The following ALPI variants were observed in gnomAD, a reference collection of about 807,000 sequenced individuals.
ALPI encodes intestinal-type alkaline phosphatase.
ALPI carries 50 observed loss-of-function variants against 51.5 expected under a neutral mutation model. That is an observed-to-expected ratio of 0.97 (90% CI 0.77 to 1.23). The LOEUF (loss-of-function observed/expected upper bound fraction) is 1.23, where lower values mean the gene tolerates loss of function less well. Among genes scored for constraint, ALPI ranks in the 50% most tolerant of loss-of-function variants. The probability of loss-of-function intolerance (pLI) is 0.00; values close to 1 mark genes in which losing one functional copy is unlikely to be tolerated. For missense variants in ALPI, 692 were observed against 722.4 expected, an observed-to-expected ratio of 0.96 and a Z score of 0.48; for synonymous variants, 322 against 308.2, an observed-to-expected ratio of 1.04 and a Z score of -0.47.
chr2:232,460,062 A>T lies in ALPI; in HGVS notation c.*916A>T, dbSNP rs1232717070. 1.3e-5 allele frequency: 2 copies of T among 152,320 alleles called. No homozygotes were observed. Among genetic ancestry groups the T allele is most frequent in the Middle Eastern group, 3.2e-3 (1 of 316 alleles). The allele number at this position is 152,320 out of a possible 1,614,324, so 9.4% of individuals were successfully genotyped here. On this transcript the variant is annotated 3_prime_UTR_variant, in exon 11 of 11. Coordinates refer to ENST00000295463, the MANE Select transcript of ALPI (RefSeq NM_001631.5). ...AGTACTACTTCCTAGGAGAAAAATCATGAGTGAGTGTGGGCACAGTATCTG... is the reference window on the plus strand; with the variant it reads ...AGTACTACTTCCTAGGAGAAAAATCTTGAGTGAGTGTGGGCACAGTATCTG...
rs368815505 is a variant in ALPI at position 232,456,611 on chromosome 2, G to A, written c.216G>A (p.Arg72=). The A allele has an allele frequency of 3.1e-6, 5 of 1,613,324 alleles. No homozygotes were observed. The African/African-American group carries it at 5.3e-5, about 17-fold the overall frequency. ...GGGTGCCCACGGTGACAGCCACCAG[G>A]ATCCTAAAGGGGCAGAAGAATGGCA... is the stretch of plus-strand genomic sequence containing the variant. The part of the protein sequence containing the change: ...GLGVPTVTAT[R]ILKGQKNGKL... The change falls in exon 3 of 11, where the codon AGG becomes AGA. Residue 72 remains arginine, a synonymous_variant. Transcript: ENST00000295463. This position sits in a 1 kb window ranked among gnomAD's most constrained non-coding sequence, Gnocchi z 4.2.
chr2:232,459,042 C>T lies in ALPI; in HGVS notation c.1483C>T (p.Leu495=), dbSNP rs1450852679. 9.7e-6 allele frequency: 15 copies of T among 1,551,412 alleles called. No homozygotes were observed. Among genetic ancestry groups the T allele is most frequent in the Non-Finnish European group, 1.2e-5 (14 of 1,148,548 alleles). Reference sequence around the variant, plus strand: ...TCTGGAGCCCTACACGGCCTGCGACCTGGCGCCTCCCGCCTGCACCACCGA... The same window carrying T: ...TCTGGAGCCCTACACGGCCTGCGACTTGGCGCCTCCCGCCTGCACCACCGA... ...ACLEPYTACD[L]APPACTTDAA... The change falls in exon 11 of 11, where the codon CTG becomes TTG. Residue 495 remains leucine (L), a synonymous_variant. Transcript: ENST00000295463.
At position 232,456,591 on chromosome 2, in the gene ALPI, C is replaced by T. The variant is rs766754479; in HGVS notation, c.196C>T (p.Pro66Ser). 3.1e-6 allele frequency: 5 copies of T among 1,612,426 alleles called. No individual in the cohort carries two copies. The highest frequency in any genetic ancestry group is 2.5e-6 in the Non-Finnish European group (3 of 1,179,192). ...ILFLGDGLGV[P>S]TVTATRILKG... ...TTCTGCTCCTTCAGGGTTGGGGGTGCCCACGGTGACAGCCACCAGGATCCT... is the reference window on the plus strand; with the variant it reads ...TTCTGCTCCTTCAGGGTTGGGGGTGTCCACGGTGACAGCCACCAGGATCCT... The change falls in exon 3 of 11, where the codon CCC (proline) becomes TCC (serine). Residue 66 changes from proline to serine, a missense_variant. Coordinates refer to ENST00000295463, the MANE Select transcript of ALPI (RefSeq NM_001631.5). This position sits in a 1 kb window ranked among gnomAD's most constrained non-coding sequence, Gnocchi z 4.2.
In ALPI at chr2:232,458,924, C is replaced by G. The variant is rs760826298; in HGVS notation, c.1365C>G (p.Asp455Glu). 6.2e-7 allele frequency: 1 copy of G among 1,609,668 alleles called. No individual in the cohort carries two copies. The highest frequency in any genetic ancestry group is 8.5e-7 in the Non-Finnish European group (1 of 1,178,730). Residue 455 changes from aspartate (D) to glutamate (E), a missense_variant, in exon 11 of 11, where the codon GAC becomes GAG. Physicochemically the swap from Asp to Glu is conservative, Grantham distance 45. Transcript: ENST00000295463. ...PLSSETHGGEDVAVFARGPQA... is the reference protein window; with the variant it reads ...PLSSETHGGEEVAVFARGPQA... ...CGTCCGAGACCCACGGAGGCGAAGA[C>G]GTGGCGGTGTTTGCGCGCGGCCCGC...
At position 232,457,998 on chromosome 2, in the gene ALPI, G is replaced by C; in HGVS notation, c.857G>C (p.Gly286Ala). 1 of 1,613,496 alleles carries C rather than the reference G, an allele frequency of 6.2e-7. No individual in the cohort carries two copies. The highest frequency in any genetic ancestry group is 8.5e-7 in the Non-Finnish European group (1 of 1,179,704). The change falls in exon 8 of 11, where the codon GGC (glycine) becomes GCC (alanine). Residue 286 changes from glycine to alanine, a missense_variant and splice_region_variant. Transcript: ENST00000295463. The surrounding 1 kb of genome is among the most constrained non-coding windows in gnomAD (Gnocchi z 4.7). ...CACCACCAAGCTCCTTGTCCCACAGGCCTCTTTGAGCCCGGAGACACGAAA... is the reference window on the plus strand; with the variant it reads ...CACCACCAAGCTCCTTGTCCCACAGCCCTCTTTGAGCCCGGAGACACGAAA... Reference protein sequence around the residue: ...SLDQSVTHLMGLFEPGDTKYE... With the variant: ...SLDQSVTHLMALFEPGDTKYE...
chr2:232,457,931 T>A lies in ALPI; in HGVS notation c.856+64T>A. The stretch of plus-strand genomic sequence containing the variant: ...CCTCAGAGGGTGCCATCCGAGCCTG[T>A]GTGCCCATTTGCCAGCACCCTCCCG... On this transcript the variant is annotated intron_variant, in intron 7 of 10. Transcript: ENST00000295463. This position sits in a 1 kb window ranked among gnomAD's most constrained non-coding sequence, Gnocchi z 4.7. 1 of 1,612,096 alleles carries A rather than the reference T, an allele frequency of 6.2e-7. No homozygotes were observed. The highest frequency in any genetic ancestry group is 2.2e-5 in the East Asian group (1 of 44,850).
Position 232,457,770 on chromosome 2 carries a change from C to T in ALPI, c.784-25C>T, listed in dbSNP as rs1360582332. On this transcript the variant is annotated intron_variant, in intron 6 of 10. Coordinates refer to ENST00000295463, the MANE Select transcript of ALPI (RefSeq NM_001631.5). This position sits in a 1 kb window ranked among gnomAD's most constrained non-coding sequence, Gnocchi z 4.7. Reference sequence around the variant, plus strand: ...AGTGTGTGGGTCTCAGGGCTGTGGGCTGAAGCCTGGCTCTGTCCCTGCAGG... The same window carrying T: ...AGTGTGTGGGTCTCAGGGCTGTGGGTTGAAGCCTGGCTCTGTCCCTGCAGG... 1 of 1,613,382 alleles carries T rather than the reference C, an allele frequency of 6.2e-7. No homozygotes were observed. The highest frequency in any genetic ancestry group is 1.3e-5 in the African/African-American group (1 of 74,998).
chr2:232,457,710 CTGG>C lies in ALPI; in HGVS notation c.783+15_783+17del, dbSNP rs1559264300. On this transcript the variant is annotated intron_variant, in intron 6 of 10. Coordinates refer to ENST00000295463, the MANE Select transcript of ALPI (RefSeq NM_001631.5). The surrounding 1 kb of genome is among the most constrained non-coding windows in gnomAD (Gnocchi z 4.7). Reference sequence around the variant, plus strand: ...CTGGCAAAGCACCAGGTGATGGGGGCTGGTGGGTGTGGGAGGCACGGCAGGGGG... The same window carrying C: ...CTGGCAAAGCACCAGGTGATGGGGGCTGGGTGTGGGAGGCACGGCAGGGGG... 2.5e-6 allele frequency: 4 copies of C among 1,610,936 alleles called. No homozygotes were observed. In the Admixed American group the frequency reaches 6.7e-5, roughly 27 times the overall value.
chr2:232,456,466 G>A lies in ALPI; in HGVS notation c.184+1G>A, dbSNP rs761925584. On this transcript the variant is annotated splice_donor_variant, in intron 2 of 10. Coordinates refer to ENST00000295463, the MANE Select transcript of ALPI (RefSeq NM_001631.5). LOFTEE classifies it high-confidence loss of function. The surrounding 1 kb of genome is among the most constrained non-coding windows in gnomAD (Gnocchi z 4.2). Reference sequence around the variant, plus strand: ...AACCTCATCCTCTTCCTGGGCGATGGTGAGTGAGCAAGGCCTGTCCAGCCC... The same window carrying A: ...AACCTCATCCTCTTCCTGGGCGATGATGAGTGAGCAAGGCCTGTCCAGCCC... 7.9e-5 allele frequency: 128 copies of A among 1,613,894 alleles called. No homozygotes were observed. In the South Asian group the frequency reaches 1.3e-3, roughly 17 times the overall value.
Position 232,458,996 on chromosome 2 carries a change from T to C in ALPI, c.1437T>C (p.His479=), listed in dbSNP as rs1271106162. 2.5e-6 allele frequency: 4 copies of C among 1,577,410 alleles called. No homozygotes were observed. The highest frequency in any genetic ancestry group is 2.3e-5 in the South Asian group (2 of 86,788). Residue 479 remains histidine (H), a synonymous_variant, in exon 11 of 11, where the codon CAT becomes CAC. Coordinates refer to ENST00000295463, the MANE Select transcript of ALPI (RefSeq NM_001631.5). The part of the protein sequence containing the change: ...HGVQEQSFVA[H]VMAFAACLEP... ...TGCAGGAGCAGAGCTTCGTAGCGCATGTCATGGCCTTCGCTGCCTGTCTGG... is the reference window on the plus strand; with the variant it reads ...TGCAGGAGCAGAGCTTCGTAGCGCACGTCATGGCCTTCGCTGCCTGTCTGG...
rs1468013610 is a variant in ALPI at position 232,458,541 on chromosome 2, C to A, written c.1184-91C>A. On this transcript the variant is annotated intron_variant, in intron 9 of 10. Transcript: ENST00000295463. ...AGGGATCTTGTGAGGACCGAGCCCC[C>A]GAACAGGCAAAAAGTGGCGGTGCCT... 62 of 1,534,544 alleles carry A rather than the reference C, an allele frequency of 4.0e-5. 1 individual carries two copies. Among genetic ancestry groups the A allele is most frequent in the East Asian group, 3.5e-4 (15 of 42,688 alleles).
rs1690224838 is a variant in ALPI at position 232,457,794 on chromosome 2, G to C, written c.784-1G>C. 2 of 1,613,998 alleles carry C rather than the reference G, an allele frequency of 1.2e-6. No homozygotes were observed. Among genetic ancestry groups the C allele is most frequent in the East Asian group, 2.2e-5 (1 of 44,872 alleles). ...GCTGAAGCCTGGCTCTGTCCCTGCA[G>C]GGTGCCTGGTATGTGTGGAACCGCA... On this transcript the variant is annotated splice_acceptor_variant, in intron 6 of 10. Coordinates refer to ENST00000295463, the MANE Select transcript of ALPI (RefSeq NM_001631.5). LOFTEE classifies it high-confidence loss of function. This position sits in a 1 kb window ranked among gnomAD's most constrained non-coding sequence, Gnocchi z 4.7.
Position 232,456,509 on chromosome 2 carries a change from C to G in ALPI, c.184+44C>G. ...TCCAGCCCCGTAGTCCTCACAGCCC[C>G]GGCACCCGGGACCTTCAGTGGTTCC... On this transcript the variant is annotated intron_variant, in intron 2 of 10. Coordinates refer to ENST00000295463, the MANE Select transcript of ALPI (RefSeq NM_001631.5). This position sits in a 1 kb window ranked among gnomAD's most constrained non-coding sequence, Gnocchi z 4.2. 6.2e-7 allele frequency: 1 copy of G among 1,611,942 alleles called. No homozygotes were observed. The highest frequency in any genetic ancestry group is 1.3e-5 in the African/African-American group (1 of 74,954).
In ALPI at chr2:232,457,593, T is replaced by G; in HGVS notation, c.677T>G (p.Met226Arg). 6.2e-7 allele frequency: 1 copy of G among 1,613,682 alleles called. No individual in the cohort carries two copies. The highest frequency in any genetic ancestry group is 1.3e-5 in the African/African-American group (1 of 75,052). The part of the protein sequence containing the change: ...DVILGGGRKY[M>R]FPMGTPDPEY... ...ATCCTTGGCGGAGGCCGCAAGTACA[T>G]GTTTCCCATGGGGACCCCAGACCCT... is the stretch of plus-strand genomic sequence containing the variant. Residue 226 changes from methionine (M) to arginine (R), a missense_variant, in exon 6 of 11, where the codon ATG becomes AGG. Physicochemically the swap from Met to Arg is moderately conservative, Grantham distance 91. Coordinates refer to ENST00000295463, the MANE Select transcript of ALPI (RefSeq NM_001631.5). The surrounding 1 kb of genome is among the most constrained non-coding windows in gnomAD (Gnocchi z 4.7).
Position 232,459,090 on chromosome 2 carries a change from T to C in ALPI, c.1531T>C (p.Ser511Pro), listed in dbSNP as rs1163717571. 6.5e-7 allele frequency: 1 copy of C among 1,541,550 alleles called. No homozygotes were observed. The highest frequency in any genetic ancestry group is 2.0e-5 in the Admixed American group (1 of 50,954). Residue 511 changes from serine (S) to proline (P), a missense_variant, in exon 11 of 11, where the codon TCG (serine) becomes CCG (proline). Coordinates refer to ENST00000295463, the MANE Select transcript of ALPI (RefSeq NM_001631.5). The part of the protein sequence containing the change: ...TTDAAHPVAA[S>P]LPLLAGTLLL... ...CGACGCCGCGCACCCAGTTGCCGCG[T>C]CGCTGCCACTGCTGGCCGGGACCCT...
In ALPI at chr2:232,457,362, G is replaced by C; in HGVS notation, c.648+40G>C. The C allele has an allele frequency of 6.4e-7, 1 of 1,574,260 alleles. No individual in the cohort carries two copies. Among genetic ancestry groups the C allele is most frequent in the East Asian group, 2.2e-5 (1 of 44,690 alleles). ...CCAAGGGCTGGGGCTGGGCAGAGGG[G>C]AAGGTGGCACAGGCTCAGATCCAGG... On this transcript the variant is annotated intron_variant, in intron 5 of 10. Transcript: ENST00000295463. This position sits in a 1 kb window ranked among gnomAD's most constrained non-coding sequence, Gnocchi z 4.7.
At position 232,458,466 on chromosome 2, in the gene ALPI, C is replaced by A. The variant is rs901427004; in HGVS notation, c.1183+58C>A. ...ATCAATTATGAGGGTGAAGTTTGAG[C>A]TTCAGTTTCCTCCTCTGTCAAAAGT... On this transcript the variant is annotated intron_variant, in intron 9 of 10. Transcript: ENST00000295463. 5 of 1,565,540 alleles carry A rather than the reference C, an allele frequency of 3.2e-6. No individual in the cohort carries two copies. The East Asian group carries it at 9.3e-5, about 29-fold the overall frequency.
At position 232,459,215 on chromosome 2, in the gene ALPI, C is replaced by A; in HGVS notation, c.*69C>A. 1 of 1,475,308 alleles carries A rather than the reference C, an allele frequency of 6.8e-7. No individual in the cohort carries two copies. The highest frequency in any genetic ancestry group is 9.0e-7 in the Non-Finnish European group (1 of 1,116,938). The allele number at this position is 1,475,308 out of a possible 1,614,324, so 91.4% of individuals were successfully genotyped here. A position where few individuals can be genotyped will look rare whatever the true frequency, so the allele number is the denominator to read the frequency against. On this transcript the variant is annotated 3_prime_UTR_variant, in exon 11 of 11. Coordinates refer to ENST00000295463, the MANE Select transcript of ALPI (RefSeq NM_001631.5). ...CTGCCCTGTTCCCCGTCCTGAGCCG[C>A]CACTTCCAGCGAACACACACAGGTG...
chr2:232,457,003 C>A lies in ALPI; in HGVS notation c.405C>A (p.Ala135=). Residue 135 remains alanine, a synonymous_variant, in exon 4 of 11, where the codon GCC becomes GCA. Coordinates refer to ENST00000295463, the MANE Select transcript of ALPI (RefSeq NM_001631.5). The surrounding 1 kb of genome is among the most constrained non-coding windows in gnomAD (Gnocchi z 4.7). ...NFQTIGLSAA[A]RFNQCNTTRG... is the part of the protein sequence containing the mutation. ...AGACCATCGGCTTGAGTGCAGCCGC[C>A]CGCTTTAACCAGTGCAACACGACAC... 1.2e-6 allele frequency: 2 copies of A among 1,613,580 alleles called. No individual in the cohort carries two copies. The highest frequency in any genetic ancestry group is 1.7e-6 in the Non-Finnish European group (2 of 1,180,042).
Sources: gnomAD v4.1 joint callset for allele counts on GRCh38, gnomAD v4.1.1 for gene constraint, Gnocchi (gnomAD v3.1) non-coding constraint, MANE v1.5 for transcripts, NCBI Gene and HGNC (gene_info 2026-07-23, HGNC 2026-07-21) for gene names.